The following CCND3 variants were observed in gnomAD, a reference collection of about 807,000 sequenced individuals.
CCND3 encodes the protein cyclin D3.
CCND3 carries 9 observed loss-of-function variants against 28.7 expected under a neutral mutation model. The ratio of observed to expected loss-of-function variants is 0.31; its 90% CI spans 0.19 to 0.55. CCND3 has a LOEUF of 0.55. CCND3 is among the 20% of genes least tolerant of loss of function. The pLI is 0.93. For missense variants in CCND3, 315 were observed against 385.8 expected (o/e 0.82, Z 1.54); for synonymous variants, 164 against 163.9 (o/e 1.00, Z 0.00).
Position 42,037,851 on chromosome 6 carries a change from T to A in CCND3, c.-46+10650A>T, listed in dbSNP as rs549042743. On this transcript the variant is annotated intron_variant, in intron 1 of 4. Coordinates refer to the CCND3 transcript ENST00000372988. ...TTCAAGACTAGTCTGACCAAAATGG[T>A]GAAACCCTGTCTCTAATAAAAATAC... Among the ~76,000 whole-genome samples the A allele has an allele frequency of 5.9e-5, 9 of 151,732 alleles. No homozygotes were observed. The South Asian group carries it at 1.7e-3, about 28-fold the overall frequency.
chr6:42,005,234 G>T (rs1287219217), intron 1 of CCND3, among the ~76,000 whole-genome samples: 1 of 152,044 alleles, frequency 6.6e-6, no homozygotes, highest in Admixed American at 6.6e-5. Flanking sequence ...GAAATGCAAA[G>T]AAAATTTAAC....
intron 1 of CCND3, among the ~76,000 whole-genome samples, chr6:41,988,729 G>T (rs1453359287): frequency 3.0e-5 from 4 of 135,582 alleles, no homozygotes; most frequent in Non-Finnish European, 6.2e-5. Flanking sequence ...GACGGAGTCT[G>T]GCTCTGTCGC....
chr6:42,027,738 T>TTTTG (rs906827419), intron 1 of CCND3, among the ~76,000 whole-genome samples: 5 of 151,842 alleles, frequency 3.3e-5, no homozygotes, highest in East Asian at 1.9e-4. Context: ...CCTCAGTTTT[T>TTTTG]TTTGTTTGTT....
In CCND3 at chr6:42,016,592, A is replaced by T. The variant is rs1186038878; in HGVS notation, c.-46+31909T>A. On this transcript the variant is annotated intron_variant, in intron 1 of 4. Coordinates refer to the CCND3 transcript ENST00000372988. ...ATGTTAGCTGCTATTACTATCTATT[A>T]CTTTTTTTTTTTTTTTTTGAGACGG... 4.9e-4 allele frequency among the ~76,000 whole-genome samples: 10 copies of T among 20,364 alleles called. 1 individual carries two copies. Among genetic ancestry groups the T allele is most frequent in the South Asian group, 2.2e-3 (1 of 452 alleles). The allele number at this position is 20,364 out of a possible 152,430, so 13.4% of individuals were successfully genotyped here. A position where few individuals can be genotyped will look rare whatever the true frequency, so the allele number is the denominator to read the frequency against.
upstream of CCND3, chr6:41,941,857 G>T: frequency 7.7e-6 from 2 of 259,646 alleles, no homozygotes; most frequent in Admixed American, 1.1e-4. The surrounding 1 kb of genome is among the most constrained non-coding windows in gnomAD (Gnocchi z 6.1). Context: ...ATGCTCGGAC[G>T]TCGCAACGCT....
At chr6:41,973,810 C>T (rs1022567611) in intron 1 of CCND3, among the ~76,000 whole-genome samples, 2 of 152,216 alleles carry the variant, frequency 1.3e-5, no homozygotes, top group African/African-American at 4.8e-5. Flanking sequence ...TCAGTCTTCT[C>T]ATGTATAAAC....
chr6:42,030,390 GT>G (rs2127436359), intron 1 of CCND3, among the ~76,000 whole-genome samples: 1 of 152,252 alleles, frequency 6.6e-6, no homozygotes, highest in Non-Finnish European at 1.5e-5. Flanking sequence ...TGGTTGTTCT[GT>G]GGAGCTGGGG....
intron 1 of CCND3, among the ~76,000 whole-genome samples, chr6:42,041,638 C>A (rs576270425): frequency 2.6e-5 from 4 of 152,278 alleles, no homozygotes; most frequent in African/African-American, 7.2e-5. Context: ...AAACAGCACT[C>A]CTCCCCTCTA....
At chr6:41,979,465 T>C (rs1270187842) in intron 1 of CCND3, among the ~76,000 whole-genome samples, 23 of 142,566 alleles carry the variant, frequency 1.6e-4, no homozygotes, top group Non-Finnish European at 3.0e-4. Context: ...ACCTGGGAGG[T>C]GGAGCTTGCA....
At chr6:42,020,288 A>C (rs1056027229) in intron 1 of CCND3, among the ~76,000 whole-genome samples, 1 of 152,032 alleles carries the variant, frequency 6.6e-6, no homozygotes, top group Non-Finnish European at 1.5e-5. Flanking sequence ...TCTCAAAAAA[A>C]AAGAAAAGAA....
At position 41,935,737 on chromosome 6, in the gene CCND3, G is replaced by T. The variant is rs924535212; in HGVS notation, c.*203C>A. The T allele has an allele frequency of 1.9e-5, 11 of 578,930 alleles. No homozygotes were observed. Among genetic ancestry groups the T allele is most frequent in the African/African-American group, 1.5e-4 (8 of 53,946 alleles). 35.9% of individuals were successfully genotyped at this position (578,930 alleles called of 1,614,324 possible). On this transcript the variant is annotated 3_prime_UTR_variant, in exon 5 of 5. Transcript: ENST00000372991. Reference sequence around the variant, plus strand: ...GGTCAGATGCAGGGAGGAGGAGCTTGACTAGCCACCGAAATGCAGACATGG... The same window carrying T: ...GGTCAGATGCAGGGAGGAGGAGCTTTACTAGCCACCGAAATGCAGACATGG...
At chr6:42,017,655 C>T (rs1462057645) in intron 1 of CCND3, among the ~76,000 whole-genome samples, 1 of 152,122 alleles carries the variant, frequency 6.6e-6, no homozygotes, top group African/African-American at 2.4e-5. Context: ...GGCATTGTGT[C>T]TCATGGACCT....
intron 1 of CCND3, among the ~76,000 whole-genome samples, chr6:42,044,347 A>C (rs1029009293): frequency 6.7e-6 from 1 of 148,444 alleles, no homozygotes; most frequent in Non-Finnish European, 1.5e-5. Context: ...AACACTCTTC[A>C]TTCACCCAAT....
intron 1 of CCND3, among the ~76,000 whole-genome samples, chr6:41,989,988 G>A (rs187549056): frequency 1.2e-4 from 19 of 152,100 alleles, no homozygotes; most frequent in African/African-American, 4.6e-4. Flanking sequence ...AAAAATAAAG[G>A]ACTTATAAAT....
intron 1 of CCND3, among the ~76,000 whole-genome samples, chr6:42,003,116 C>A (rs1763061815): frequency 6.9e-6 from 1 of 145,492 alleles, no homozygotes; most frequent in South Asian, 2.1e-4. Flanking sequence ...GAGCCAAGAT[C>A]GTGCCACTGC....
intron 1 of CCND3, among the ~76,000 whole-genome samples, chr6:42,030,370 T>C (rs1764010128): frequency 6.6e-6 from 1 of 152,114 alleles, no homozygotes; most frequent in East Asian, 1.9e-4. Flanking sequence ...TCAGGAAATA[T>C]GGAGCCTTCT....
At chr6:41,950,951 G>C (rs56927858) in intron 1 of CCND3, among the ~76,000 whole-genome samples, 1 of 151,968 alleles carries the variant, frequency 6.6e-6, no homozygotes, top group South Asian at 2.1e-4. Flanking sequence ...CTCGTGATCC[G>C]CCCGCCTCGG....
chr6:41,944,787 T>A (rs556684252), upstream of CCND3, among the ~76,000 whole-genome samples: 1 of 152,272 alleles, frequency 6.6e-6, no homozygotes, highest in South Asian at 2.1e-4. Context: ...AAGCTGGATG[T>A]GAACCTGTAG....
At chr6:41,946,359 G>A (rs190269372), upstream of CCND3, among the ~76,000 whole-genome samples, 31 of 151,946 alleles carry the variant, frequency 2.0e-4, no homozygotes, top group Admixed American at 2.0e-3. Flanking sequence ...CACGTTGGGA[G>A]GCAGGGGCAG....
Sources: gnomAD v4.1 joint callset for allele counts (sites outside exome capture counted in the v4.1 genomes callset) on GRCh38, gnomAD v4.1.1 for gene constraint, Gnocchi (gnomAD v3.1) non-coding constraint, MANE v1.5 for transcripts, NCBI Gene and HGNC (gene_info 2026-07-23, HGNC 2026-07-21) for gene names.